Variants in ZSWIM6 observed in about 807,000 individuals in gnomAD.
The protein encoded by ZSWIM6 is zinc finger SWIM domain-containing protein 6.
ZSWIM6 carries 9 observed loss-of-function variants against 113.2 expected under a neutral mutation model. The ratio of observed to expected loss-of-function variants is 0.08; its 90% CI spans 0.05 to 0.14. ZSWIM6 has a LOEUF of 0.14. ZSWIM6 is among the 10% of genes least tolerant of loss of function. ZSWIM6 has a pLI of 1.00. For synonymous variants in ZSWIM6, 611 were observed against 606.5 expected (o/e 1.01, Z -0.11); for missense variants, 1,162 against 1,552.2 (o/e 0.75, Z 4.22).
At chr5:61,354,472 T>C (rs1030587851) in intron 1 of ZSWIM6, among the ~76,000 whole-genome samples, 1 of 152,196 alleles carries the variant, frequency 6.6e-6, no homozygotes, top group Non-Finnish European at 1.5e-5. Flanking sequence ...ATGAAATAAC[T>C]GTATGCCTTA....
chr5:61,460,503 A>G (rs1426838730), intron 1 of ZSWIM6, among the ~76,000 whole-genome samples: 11 of 152,198 alleles, frequency 7.2e-5, no homozygotes, highest in Admixed American at 4.6e-4. Context: ...GTTAACATAC[A>G]TAGAACATGG....
At chr5:61,512,773 T>G (rs1748825240) in intron 4 of ZSWIM6, among the ~76,000 whole-genome samples, 1 of 152,166 alleles carries the variant, frequency 6.6e-6, no homozygotes, top group Non-Finnish European at 1.5e-5. Flanking sequence ...CTGTGTATTT[T>G]CTTTGGTAAA....
intron 1 of ZSWIM6, among the ~76,000 whole-genome samples, chr5:61,466,958 T>A (rs1352250527): frequency 1.3e-5 from 2 of 152,076 alleles, no homozygotes; most frequent in African/African-American, 4.8e-5. Flanking sequence ...AATGTGAAAT[T>A]AACATAGATG....
At chr5:61,384,839 C>T (rs1358905194) in intron 1 of ZSWIM6, among the ~76,000 whole-genome samples, 18 of 152,002 alleles carry the variant, frequency 1.2e-4, no homozygotes, top group South Asian at 2.1e-4. Flanking sequence ...AGGCGGATCA[C>T]GAGGTCAGGA....
chr5:61,543,452 C>A lies in ZSWIM6; in HGVS notation c.2786-3C>A. The A allele has an allele frequency of 6.5e-7, 1 of 1,545,734 alleles. No homozygotes were observed. The highest frequency in any genetic ancestry group is 8.7e-7 in the Non-Finnish European group (1 of 1,143,538). On this transcript the variant is annotated splice_region_variant and splice_polypyrimidine_tract_variant and intron_variant, in intron 13 of 13. Coordinates refer to ENST00000252744, the MANE Select transcript of ZSWIM6 (RefSeq NM_020928.2). The surrounding 1 kb of genome is among the most constrained non-coding windows in gnomAD (Gnocchi z 4.3). The stretch of plus-strand genomic sequence containing the variant: ...TAATAGAGCCTGTTTGTGTTCCTTG[C>A]AGGGGTTTATGCCCTGGACAGCATC...
intron 1 of ZSWIM6, among the ~76,000 whole-genome samples, chr5:61,365,389 G>A (rs563305445): frequency 6.6e-6 from 1 of 151,948 alleles, no homozygotes; most frequent in Admixed American, 6.5e-5. Context: ...TTATCAATCA[G>A]CTTCTTGGAT....
chr5:61,373,605 T>TA (rs1745310754), intron 1 of ZSWIM6, among the ~76,000 whole-genome samples: 1 of 152,164 alleles, frequency 6.6e-6, no homozygotes, highest in Non-Finnish European at 1.5e-5. Flanking sequence ...ACTGTGCAAA[T>TA]AAACTATCTT....
Position 61,332,999 on chromosome 5 carries a change from T to TGGG in ZSWIM6, c.676+59_676+61dup, listed in dbSNP as rs369791585. The TGGG allele has an allele frequency of 6.1e-5, 38 of 624,660 alleles. No homozygotes were observed. The African/African-American group carries it at 1.2e-3, about 20-fold the overall frequency. The allele number at this position is 624,660 out of a possible 1,614,324, so 38.7% of individuals were successfully genotyped here. On this transcript the variant is annotated intron_variant, in intron 1 of 13. Transcript: ENST00000252744. ...GTCTGTCCGTCCGTCAGTCCCTGGG[T>TGGG]GGGGGGGGGGTGCCCGCCTTTCTCC... is the stretch of plus-strand genomic sequence containing the variant.
chr5:61,356,619 C>T (rs1744911760), intron 1 of ZSWIM6, among the ~76,000 whole-genome samples: 1 of 146,466 alleles, frequency 6.8e-6, no homozygotes, highest in African/African-American at 2.5e-5. Context: ...TCCTTAAAAA[C>T]GTTGGCTTTT....
chr5:61,530,492 A>C (rs1749401086), intron 8 of ZSWIM6, among the ~76,000 whole-genome samples: 1 of 152,242 alleles, frequency 6.6e-6, no homozygotes, highest in East Asian at 1.9e-4. Flanking sequence ...ACTACTTCTT[A>C]GCATAAAGTT....
intron 1 of ZSWIM6, among the ~76,000 whole-genome samples, chr5:61,378,244 T>C (rs892119315): frequency 6.6e-6 from 1 of 152,218 alleles, no homozygotes; most frequent in African/African-American, 2.4e-5. Flanking sequence ...AAGCTAAATG[T>C]TCATTATAGA....
chr5:61,522,093 G>GTTTTTTTTTTT (rs137971657), intron 5 of ZSWIM6, among the ~76,000 whole-genome samples: 1 of 139,422 alleles, frequency 7.2e-6, no homozygotes, highest in Non-Finnish European at 1.6e-5. Flanking sequence ...TTTTTTGTTT[G>GTTTTTTTTTTT]TTTTTTTTTG....
chr5:61,530,534 A>G (rs1749402299), intron 8 of ZSWIM6, among the ~76,000 whole-genome samples: 1 of 152,216 alleles, frequency 6.6e-6, no homozygotes, highest in South Asian at 2.1e-4. Flanking sequence ...TAGCATTTAG[A>G]ACTAGAAAAT....
At position 61,544,416 on chromosome 5, in the gene ZSWIM6, C is replaced by T; in HGVS notation, c.*99C>T. ...CCCTTTTTAACTTAAAGAACAGAGC[C>T]ACACCGGTATTATATGTGTATAGTT... On this transcript the variant is annotated 3_prime_UTR_variant, in exon 14 of 14. Coordinates refer to ENST00000252744, the MANE Select transcript of ZSWIM6 (RefSeq NM_020928.2). 1 of 786,118 alleles carries T rather than the reference C, an allele frequency of 1.3e-6. No homozygotes were observed. 48.7% of individuals were successfully genotyped at this position (786,118 alleles called of 1,614,324 possible).
chr5:61,451,560 C>A (rs922042989), intron 1 of ZSWIM6, among the ~76,000 whole-genome samples: 2 of 152,094 alleles, frequency 1.3e-5, no homozygotes, highest in Admixed American at 1.3e-4. Context: ...TCTTTTTTAT[C>A]TTTCCCAGCA....
Position 61,332,941 on chromosome 5 carries a change from G to A in ZSWIM6, c.669G>A (p.Leu223=). 7.4e-7 allele frequency: 1 copy of A among 1,352,354 alleles called. No homozygotes were observed. The highest frequency in any genetic ancestry group is 9.6e-7 in the Non-Finnish European group (1 of 1,039,670). 83.8% of individuals were successfully genotyped at this position (1,352,354 alleles called of 1,614,324 possible). ...AAAGCGGCTGCGTAGACAACGTCCTGCAAGTCGGTGAGTCACGGGGCAGCC... is the reference window on the plus strand; with the variant it reads ...AAAGCGGCTGCGTAGACAACGTCCTACAAGTCGGTGAGTCACGGGGCAGCC... ...LLESGCVDNV[L]QVGFHLSGTV... is the part of the protein sequence containing the mutation. The change falls in exon 1 of 14, where the codon CTG becomes CTA. Residue 223 remains leucine (L), a synonymous_variant. Coordinates refer to ENST00000252744, the MANE Select transcript of ZSWIM6 (RefSeq NM_020928.2).
At chr5:61,499,511 G>C (rs1168539979) in intron 4 of ZSWIM6, among the ~76,000 whole-genome samples, 1 of 152,180 alleles carries the variant, frequency 6.6e-6, no homozygotes, top group South Asian at 2.1e-4. Flanking sequence ...AGCCAAGAAT[G>C]GATGAAGGAG....
chr5:61,400,683 TTC>T (rs1361314606), intron 1 of ZSWIM6, among the ~76,000 whole-genome samples: 1 of 152,212 alleles, frequency 6.6e-6, no homozygotes, highest in African/African-American at 2.4e-5. Context: ...CTGCTCCTTG[TTC>T]TGCCTGCTGA....
Position 61,504,525 on chromosome 5 carries a change from C to G in ZSWIM6, c.1333+10115C>G, listed in dbSNP as rs574672048. ...CCCATCATAAGTTCTTTCTGAACTC[C>G]ACAGAAAAGTCAGTGCATTAAGAAA... On this transcript the variant is annotated intron_variant, in intron 4 of 13. Coordinates refer to ENST00000252744, the MANE Select transcript of ZSWIM6 (RefSeq NM_020928.2). Among the ~76,000 whole-genome samples the G allele has an allele frequency of 2.0e-5, 3 of 152,278 alleles. No individual in the cohort carries two copies. In the South Asian group the frequency reaches 6.2e-4, roughly 32 times the overall value.
Sources: allele counts gnomAD v4.1 joint callset (sites outside exome capture counted in the v4.1 genomes callset), GRCh38; gene constraint gnomAD v4.1.1; non-coding constraint Gnocchi (gnomAD v3.1); transcripts MANE v1.5; gene names NCBI Gene and HGNC (gene_info 2026-07-23, HGNC 2026-07-21).